The following KLF12 variants were observed in gnomAD, a reference collection of about 807,000 sequenced individuals.
The protein encoded by KLF12 is Krueppel-like factor 12.
A neutral mutation model predicts 37.8 loss-of-function variants in KLF12; 9 were observed. That is an observed-to-expected ratio of 0.24 (90% CI 0.14 to 0.42). The LOEUF is 0.42. Ranked by LOEUF, KLF12 falls within the 10% of genes least tolerant of loss-of-function variation. The pLI, the probability that KLF12 is intolerant of heterozygous loss-of-function variation, is 1.00. For synonymous variants in KLF12, 208 were observed against 202.1 expected, an observed-to-expected ratio of 1.03 and a Z score of -0.25; for missense variants, 411 against 516.0, an observed-to-expected ratio of 0.80 and a Z score of 1.97.
At chr13:73,894,375 T>A (rs1209123082) in intron 3 of KLF12, among the ~76,000 whole-genome samples, 1 of 152,166 alleles carries the variant, frequency 6.6e-6, no homozygotes, top group Non-Finnish European at 1.5e-5. Context: ...CAGAGTGTCA[T>A]CTTTTGAGCC....
intron 6 of KLF12, among the ~76,000 whole-genome samples, chr13:73,716,700 A>G (rs897931799): frequency 2.6e-5 from 4 of 152,172 alleles, no homozygotes; most frequent in African/African-American, 9.7e-5. Flanking sequence ...TTTAAGTCAT[A>G]TGAATAATAT....
chr13:74,264,448 G>T, the KLF12 span, among the ~76,000 whole-genome samples: 1 of 152,068 alleles, frequency 6.6e-6, no homozygotes, highest in Non-Finnish European at 1.5e-5. Context: ...CAGCTTCTTT[G>T]GTGAGAGTTA....
intron 5 of KLF12, among the ~76,000 whole-genome samples, chr13:73,804,021 T>C (rs560779725): frequency 6.6e-6 from 1 of 152,094 alleles, no homozygotes; most frequent in Non-Finnish European, 1.5e-5. Flanking sequence ...GTGGGTTGGG[T>C]TCATATTGTC....
At chr13:74,252,217 T>C in the KLF12 span, among the ~76,000 whole-genome samples, 3 of 152,230 alleles carry the variant, frequency 2.0e-5, no homozygotes, top group Admixed American at 1.3e-4. Flanking sequence ...CTAGAAAGGT[T>C]CTGGTTGCTG....
chr13:73,865,111 G>A (rs1401418018), intron 3 of KLF12, among the ~76,000 whole-genome samples: 3 of 152,070 alleles, frequency 2.0e-5, no homozygotes, highest in Non-Finnish European at 4.4e-5. Context: ...CAACTTGATT[G>A]CCTAAATTCC....
intron 1 of KLF12, among the ~76,000 whole-genome samples, chr13:74,105,431 TATC>T (rs1381708976): frequency 2.6e-5 from 4 of 152,140 alleles, no homozygotes; most frequent in Admixed American, 1.3e-4. Flanking sequence ...AAATAACCAT[TATC>T]ATATTTTAAA....
intron 3 of KLF12, among the ~76,000 whole-genome samples, chr13:73,934,090 C>A (rs1315182624): frequency 2.6e-5 from 4 of 152,070 alleles, no homozygotes; most frequent in Admixed American, 2.6e-4. Context: ...TAGAATGTAC[C>A]ATCTTGCTAT....
chr13:74,287,352 G>GAGAGAGAGAT, the KLF12 span, among the ~76,000 whole-genome samples: 15 of 91,234 alleles, frequency 1.6e-4, no homozygotes, highest in African/African-American at 5.6e-4. Flanking sequence ...TCAAAGTTGA[G>GAGAGAGAGAT]AGAGAGAGAG....
intron 3 of KLF12, among the ~76,000 whole-genome samples, chr13:73,854,478 C>T (rs1490819840): frequency 6.6e-6 from 1 of 152,100 alleles, no homozygotes. Context: ...CTGTAACAGT[C>T]AAATGATACA....
intron 3 of KLF12, among the ~76,000 whole-genome samples, chr13:73,867,346 A>C (rs867882704): frequency 3.9e-5 from 6 of 152,128 alleles, no homozygotes; most frequent in Middle Eastern, 3.4e-3. Flanking sequence ...TAAAAAGGAC[A>C]GTTTACTGAC....
At chr13:73,975,706 C>T (rs1891496291) in intron 2 of KLF12, among the ~76,000 whole-genome samples, 1 of 152,170 alleles carries the variant, frequency 6.6e-6, no homozygotes, top group Admixed American at 6.5e-5. Flanking sequence ...TCTCTGAGCA[C>T]TTTACTCTCA....
rs554147528 is a variant in KLF12 at position 73,755,345 on chromosome 13, GAGA to G, written c.869+9590_869+9592del. Reference sequence around the variant, plus strand: ...GTTCCAAATACATTACAGGATGGAAGAGAAGATTTAAAGAATCACAAAAACATG... The same window carrying G: ...GTTCCAAATACATTACAGGATGGAAGAGATTTAAAGAATCACAAAAACATG... On this transcript the variant is annotated intron_variant, in intron 6 of 7. Coordinates refer to ENST00000377669, the MANE Select transcript of KLF12 (RefSeq NM_007249.5). 2.4e-3 allele frequency among the ~76,000 whole-genome samples: 358 copies of G among 152,258 alleles called. 1 individual carries two copies. The highest frequency in any genetic ancestry group is 3.8e-3 in the Non-Finnish European group (259 of 68,008).
At chr13:73,854,572 G>A (rs1399403910) in intron 3 of KLF12, among the ~76,000 whole-genome samples, 2 of 152,136 alleles carry the variant, frequency 1.3e-5, no homozygotes, top group African/African-American at 4.8e-5. Context: ...CAAAACAATG[G>A]CTTTGCTTTT....
At chr13:73,938,061 G>C (rs538429419) in intron 3 of KLF12, among the ~76,000 whole-genome samples, 1 of 152,140 alleles carries the variant, frequency 6.6e-6, no homozygotes, top group Non-Finnish European at 1.5e-5. Flanking sequence ...AAGCAAACTC[G>C]TATTTCCAAG....
At chr13:73,783,002 T>C (rs1881070291) in intron 5 of KLF12, among the ~76,000 whole-genome samples, 1 of 152,178 alleles carries the variant, frequency 6.6e-6, no homozygotes. Flanking sequence ...TCCTCTTACA[T>C]ATGTATCATC....
the KLF12 span, among the ~76,000 whole-genome samples, chr13:74,289,800 A>G: frequency 6.6e-6 from 1 of 152,186 alleles, no homozygotes; most frequent in Non-Finnish European, 1.5e-5. Flanking sequence ...GACCCAAAGC[A>G]TTTTATTTAG....
At chr13:74,155,369 G>GT in the KLF12 span, among the ~76,000 whole-genome samples, 44,284 of 148,790 alleles carry the variant, frequency 0.3, 7,086 homozygotes, top group Non-Finnish European at 0.36. Flanking sequence ...TTTTGTTTTT[G>GT]TTTTTTTTCT....
At chr13:73,894,265 T>G (rs564762022) in intron 3 of KLF12, among the ~76,000 whole-genome samples, 3 of 152,300 alleles carry the variant, frequency 2.0e-5, no homozygotes, top group African/African-American at 7.2e-5. Flanking sequence ...ATAAAACTTT[T>G]CGCTCTCAAG....
At chr13:73,921,990 T>C (rs539822418) in intron 3 of KLF12, among the ~76,000 whole-genome samples, 77 of 151,434 alleles carry the variant, frequency 5.1e-4, no homozygotes, top group Admixed American at 1.6e-3. Context: ...TAGCATTATG[T>C]TTTTTAATTG....
Sources: allele counts gnomAD v4.1 joint callset (sites outside exome capture counted in the v4.1 genomes callset), GRCh38; gene constraint gnomAD v4.1.1; transcripts MANE v1.5; gene names NCBI Gene and HGNC (gene_info 2026-07-23, HGNC 2026-07-21).